The following TAX1BP1 variants were observed in gnomAD, a reference collection of about 807,000 sequenced individuals.
The protein encoded by TAX1BP1 is Tax1 binding protein 1, also known as tax1-binding protein 1.
A neutral mutation model predicts 97.7 loss-of-function variants in TAX1BP1; 62 were observed. The observed-to-expected ratio is 0.63, with a 90% CI of 0.52 to 0.78. The LOEUF (loss-of-function observed/expected upper bound fraction) is 0.78. Ranked by LOEUF, TAX1BP1 falls within the 30% of genes least tolerant of loss-of-function variation. The probability of loss-of-function intolerance (pLI) is 0.00; values close to 1 mark genes in which losing one functional copy is unlikely to be tolerated. For synonymous variants in TAX1BP1, 340 were observed against 304.2 expected (o/e 1.12, Z -1.23); for missense variants, 867 against 916.1 (o/e 0.95, Z 0.69).
chr7:27,802,645 G>A (rs1790184722), intron 13 of TAX1BP1, among the ~76,000 whole-genome samples: 1 of 152,144 alleles, frequency 6.6e-6, no homozygotes, highest in African/African-American at 2.4e-5. Flanking sequence ...ACAGAAGTAC[G>A]AAAGTAGGCT....
At chr7:27,819,828 A>G (rs1167408295) in intron 15 of TAX1BP1, among the ~76,000 whole-genome samples, 3 of 152,222 alleles carry the variant, frequency 2.0e-5, no homozygotes, top group South Asian at 2.1e-4. Flanking sequence ...GTACTTCTGC[A>G]TATATAATAT....
rs1782629343 is a variant in TAX1BP1 at position 27,829,594 on chromosome 7, G to GTATC, written c.*767_*770dup. The GTATC allele has an allele frequency of 6.6e-6, 1 of 152,124 alleles. No individual in the cohort carries two copies. The highest frequency in any genetic ancestry group is 2.4e-5 in the African/African-American group (1 of 41,458). The allele number at this position is 152,124 out of a possible 1,614,324, so 9.4% of individuals were successfully genotyped here. On this transcript the variant is annotated 3_prime_UTR_variant, in exon 17 of 17. Coordinates refer to ENST00000396319, the MANE Select transcript of TAX1BP1 (RefSeq NM_006024.7). ...CATAAAAATCATAGAATATATATCA[G>GTATC]TATCTTTTTTACATTTTCCTGATGA...
intron 5 of TAX1BP1, among the ~76,000 whole-genome samples, chr7:27,779,498 T>C (rs1789169091): frequency 6.6e-6 from 1 of 152,232 alleles, no homozygotes; most frequent in African/African-American, 2.4e-5. Context: ...CTCTTCAAGA[T>C]TCAGATATTT....
intron 2 of TAX1BP1, among the ~76,000 whole-genome samples, chr7:27,749,240 C>T (rs1376857283): frequency 6.6e-6 from 1 of 152,152 alleles, no homozygotes; most frequent in Non-Finnish European, 1.5e-5. Context: ...ATAATACTTT[C>T]TTGAAAATGA....
At chr7:27,759,099 C>T (rs1281587155) in intron 3 of TAX1BP1, among the ~76,000 whole-genome samples, 1 of 151,938 alleles carries the variant, frequency 6.6e-6, no homozygotes, top group Non-Finnish European at 1.5e-5. Flanking sequence ...AATTCTTACC[C>T]TTGTATATGT....
intron 15 of TAX1BP1, among the ~76,000 whole-genome samples, chr7:27,821,143 G>A (rs10225487): frequency 0.75 from 114,100 of 152,134 alleles, 43,415 homozygotes; most frequent in African/African-American, 0.86. Flanking sequence ...AAAATTTTTT[G>A]TACACAGTTA....
At chr7:27,782,265 C>T (rs1789290375) in intron 5 of TAX1BP1, among the ~76,000 whole-genome samples, 2 of 151,802 alleles carry the variant, frequency 1.3e-5, no homozygotes, top group African/African-American at 2.4e-5. Flanking sequence ...GAGATGGAGT[C>T]TTTCTCTGTC....
intron 13 of TAX1BP1, among the ~76,000 whole-genome samples, chr7:27,811,308 G>T (rs187290988): frequency 9.3e-4 from 141 of 152,320 alleles, no homozygotes; most frequent in Non-Finnish European, 1.7e-3. Context: ...TGTATGTTAT[G>T]TATGGACTTG....
At chr7:27,748,724 C>CT (rs778515463) in intron 2 of TAX1BP1, 38 bp downstream of exon 2, 20 of 1,433,146 alleles carry the variant, frequency 1.4e-5, no homozygotes, top group Non-Finnish European at 1.9e-5. Flanking sequence ...CATGTAAACA[C>CT]TTAAAATTTT....
chr7:27,794,295 T>C, intron 10 of TAX1BP1, 28 bp from the exon 11 acceptor site: 1 of 1,576,266 alleles, frequency 6.3e-7, no homozygotes, highest in Non-Finnish European at 8.7e-7. Flanking sequence ...CATTGACTCA[T>C]TTAACAACTT....
At chr7:27,767,131 C>T (rs552433179) in intron 4 of TAX1BP1, among the ~76,000 whole-genome samples, 9 of 151,882 alleles carry the variant, frequency 5.9e-5, no homozygotes, top group Non-Finnish European at 1.0e-4. Context: ...TATCTTTATC[C>T]TATACCTAAA....
At chr7:27,794,551 T>C (rs10253917) in intron 11 of TAX1BP1, 105 bp downstream of exon 11, 75,345 of 1,274,708 alleles carry the variant, frequency 0.059, 2,600 homozygotes, top group South Asian at 0.069. Flanking sequence ...AAAATTTTCA[T>C]GTGATAAGTG....
intron 5 of TAX1BP1, among the ~76,000 whole-genome samples, chr7:27,774,932 A>AT (rs2128313637): frequency 6.6e-6 from 1 of 152,284 alleles, no homozygotes; most frequent in African/African-American, 2.4e-5. Flanking sequence ...ACTGTGCCAC[A>AT]TTGCCCATTT....
At chr7:27,765,368 C>T (rs1040461573) in intron 3 of TAX1BP1, among the ~76,000 whole-genome samples, 1 of 152,024 alleles carries the variant, frequency 6.6e-6, no homozygotes, top group African/African-American at 2.4e-5. Context: ...ATCTTTTCTG[C>T]CTTCATATAG....
At chr7:27,777,607 G>C (rs1249947612) in intron 5 of TAX1BP1, among the ~76,000 whole-genome samples, 1 of 152,132 alleles carries the variant, frequency 6.6e-6, no homozygotes, top group African/African-American at 2.4e-5. Flanking sequence ...CTCAAGACTT[G>C]AGGGGGACTC....
intron 15 of TAX1BP1, among the ~76,000 whole-genome samples, chr7:27,817,359 C>A (rs1790814508): frequency 6.6e-6 from 1 of 152,142 alleles, no homozygotes; most frequent in Non-Finnish European, 1.5e-5. Flanking sequence ...AAGTAACTTA[C>A]TATATTCTTT....
Position 27,766,275 on chromosome 7 carries a change from A to G in TAX1BP1, c.453+254A>G, listed in dbSNP as rs575416351. 2.0e-5 allele frequency among the ~76,000 whole-genome samples: 3 copies of G among 151,700 alleles called. No individual in the cohort carries two copies. The East Asian group carries it at 5.8e-4, about 29-fold the overall frequency. Reference sequence around the variant, plus strand: ...CTCTACTAAGAATACAAAAAATTAGACGGGCGTGGTGGCAGGCACCTGTAG... The same window carrying G: ...CTCTACTAAGAATACAAAAAATTAGGCGGGCGTGGTGGCAGGCACCTGTAG... On this transcript the variant is annotated intron_variant, in intron 4 of 16. Transcript: ENST00000396319.
chr7:27,813,006 A>G (rs1790616475), intron 13 of TAX1BP1, among the ~76,000 whole-genome samples: 4 of 152,194 alleles, frequency 2.6e-5, no homozygotes, highest in South Asian at 2.1e-4. Flanking sequence ...AGGTGAAAAT[A>G]TATACTGTTT....
intron 13 of TAX1BP1, among the ~76,000 whole-genome samples, chr7:27,812,898 A>G (rs1360677127): frequency 6.6e-6 from 1 of 152,222 alleles, no homozygotes; most frequent in Non-Finnish European, 1.5e-5. Context: ...ATAAAACTTT[A>G]TTAGCACATG....
Sources: allele counts gnomAD v4.1 joint callset (sites outside exome capture counted in the v4.1 genomes callset), GRCh38; gene constraint gnomAD v4.1.1; transcripts MANE v1.5; gene names NCBI Gene and HGNC (gene_info 2026-07-23, HGNC 2026-07-21).